UBTD1: variants seen among roughly 807,000 people sequenced by gnomAD.
The protein encoded by UBTD1 is ubiquitin domain-containing protein 1.
A neutral mutation model predicts 21.7 loss-of-function variants in UBTD1; 19 were observed. The ratio of observed to expected loss-of-function variants is 0.87; its 90% confidence interval spans 0.61 to 1.28. UBTD1 has a LOEUF of 1.28. Among genes scored for constraint, UBTD1 ranks in the 50% most tolerant of loss-of-function variants. The pLI, the probability that UBTD1 is intolerant of heterozygous loss-of-function variation, is 0.00. For missense variants in UBTD1, 282 were observed against 315.1 expected, an observed-to-expected ratio of 0.89 and a Z score of 0.80; for synonymous variants, 116 against 135.1, an observed-to-expected ratio of 0.86 and a Z score of 0.98.
At chr10:97,544,727 A>G (rs534796740) in intron 1 of UBTD1, among the ~76,000 whole-genome samples, 1 of 152,342 alleles carries the variant, frequency 6.6e-6, no homozygotes, top group East Asian at 1.9e-4. Context: ...GCAGTGGCTC[A>G]TGCGTGTAAT....
At chr10:97,539,894 T>C (rs1203409121) in intron 1 of UBTD1, among the ~76,000 whole-genome samples, 1 of 151,832 alleles carries the variant, frequency 6.6e-6, no homozygotes, top group Non-Finnish European at 1.5e-5. Flanking sequence ...CAGATCCACC[T>C]CCTTAAGCAT....
At chr10:97,535,568 T>C (rs2040556168) in intron 1 of UBTD1, among the ~76,000 whole-genome samples, 2 of 152,166 alleles carry the variant, frequency 1.3e-5, no homozygotes, top group South Asian at 2.1e-4. Context: ...TGAGCAGACA[T>C]TGAGCCACTG....
intron 1 of UBTD1, among the ~76,000 whole-genome samples, chr10:97,549,941 A>G (rs897229968): frequency 6.6e-6 from 1 of 152,024 alleles, no homozygotes; most frequent in Non-Finnish European, 1.5e-5. Flanking sequence ...GCCTGGGCTG[A>G]TCCTTCTTCT....
At chr10:97,545,409 T>TGG (rs1491349496) in intron 1 of UBTD1, among the ~76,000 whole-genome samples, 9 of 68,824 alleles carry the variant, frequency 1.3e-4, no homozygotes, top group Admixed American at 6.3e-4. Context: ...TGTGTGTGTG[T>TGG]GGGTGTGGGT....
At chr10:97,518,988 C>G (rs2040455932) in intron 1 of UBTD1, among the ~76,000 whole-genome samples, 1 of 152,302 alleles carries the variant, frequency 6.6e-6, no homozygotes, top group South Asian at 2.1e-4. Context: ...TGTAATTTGC[C>G]CAACATCATC....
intron 1 of UBTD1, among the ~76,000 whole-genome samples, chr10:97,540,674 AG>A (rs1283040095): frequency 2.6e-5 from 4 of 152,258 alleles, no homozygotes; most frequent in Non-Finnish European, 4.4e-5. Context: ...ATAAGTGCAG[AG>A]CCAGGGTTCT....
At chr10:97,511,384 C>A (rs1453101435) in intron 1 of UBTD1, among the ~76,000 whole-genome samples, 1 of 152,130 alleles carries the variant, frequency 6.6e-6, no homozygotes, top group Non-Finnish European at 1.5e-5. Context: ...GTCTCAGGTT[C>A]CTTCCATGCA....
chr10:97,529,212 C>A (rs1002733446), intron 1 of UBTD1, among the ~76,000 whole-genome samples: 1 of 148,818 alleles, frequency 6.7e-6, no homozygotes, highest in Non-Finnish European at 1.5e-5. Flanking sequence ...GGATGGCGGC[C>A]GGGAAGAGGC....
intron 1 of UBTD1, among the ~76,000 whole-genome samples, chr10:97,543,017 A>G (rs2040593431): frequency 6.6e-6 from 1 of 152,258 alleles, no homozygotes; most frequent in Admixed American, 6.5e-5. Context: ...AGTAAGTCAG[A>G]ATCCCAGGGA....
At chr10:97,508,257 T>G (rs2040407509) in intron 1 of UBTD1, among the ~76,000 whole-genome samples, 1 of 152,236 alleles carries the variant, frequency 6.6e-6, no homozygotes. Flanking sequence ...GAGCCCACGC[T>G]TTGGGCCAGT....
At position 97,570,014 on chromosome 10, in the gene UBTD1, C is replaced by T; in HGVS notation, c.299-124C>T. ...TAACTTTATTTATTTCTGTATAGGC[C>T]CCATGTCCAAATACAGTCACATTGG... On this transcript the variant is annotated intron_variant, in intron 2 of 2. Transcript: ENST00000370664. The surrounding 1 kb of genome is among the most constrained non-coding windows in gnomAD (Gnocchi z 6.6). 2.2e-6 allele frequency: 3 copies of T among 1,349,350 alleles called. No homozygotes were observed. The highest frequency in any genetic ancestry group is 3.0e-6 in the Non-Finnish European group (3 of 993,128). The allele number at this position is 1,349,350 out of a possible 1,614,324, so 83.6% of individuals were successfully genotyped here. A position where few individuals can be genotyped will look rare whatever the true frequency, so the allele number is the denominator to read the frequency against.
At chr10:97,510,745 T>C (rs1177606903) in intron 1 of UBTD1, among the ~76,000 whole-genome samples, 1 of 152,176 alleles carries the variant, frequency 6.6e-6, no homozygotes, top group African/African-American at 2.4e-5. Context: ...GACCCATTTA[T>C]TCAGGAAGGC....
intron 1 of UBTD1, among the ~76,000 whole-genome samples, chr10:97,563,591 G>A (rs545278779): frequency 6.6e-6 from 1 of 152,204 alleles, no homozygotes; most frequent in African/African-American, 2.4e-5. Context: ...GTATTGGAGG[G>A]TACCCCGTCA....
intron 1 of UBTD1, among the ~76,000 whole-genome samples, chr10:97,527,171 CA>C (rs34756643): frequency 0.014 from 934 of 66,690 alleles, 8 homozygotes; most frequent in East Asian, 0.1. Flanking sequence ...CTCTTGTCTC[CA>C]AAAAAAAAAA....
chr10:97,543,643 T>C (rs2040596023), intron 1 of UBTD1, among the ~76,000 whole-genome samples: 1 of 152,154 alleles, frequency 6.6e-6, no homozygotes, highest in South Asian at 2.1e-4. Context: ...CTGATGGAAA[T>C]GGACCCAGGT....
chr10:97,538,336 T>A (rs1047988698), intron 1 of UBTD1, among the ~76,000 whole-genome samples: 2 of 152,076 alleles, frequency 1.3e-5, no homozygotes, highest in African/African-American at 4.8e-5. Context: ...TATTTTATTT[T>A]TAAAAAAGTA....
At chr10:97,523,999 T>G (rs2135665156) in intron 1 of UBTD1, among the ~76,000 whole-genome samples, 1 of 152,282 alleles carries the variant, frequency 6.6e-6, no homozygotes, top group Middle Eastern at 3.4e-3. Context: ...AATGAATGTT[T>G]GTGTGCATTT....
At chr10:97,529,451 C>G in intron 1 of UBTD1, among the ~76,000 whole-genome samples, 1 of 152,240 alleles carries the variant, frequency 6.6e-6, no homozygotes, top group Non-Finnish European at 1.5e-5. Context: ...GAGATCACGC[C>G]GCTGCACTCC....
At chr10:97,569,428 AAAT>A (rs1176139744) in intron 2 of UBTD1, among the ~76,000 whole-genome samples, 2 of 152,184 alleles carry the variant, frequency 1.3e-5, no homozygotes, top group African/African-American at 2.4e-5. Flanking sequence ...AAGAAGTGAA[AAAT>A]AATATGCCAG....
Sources: gnomAD v4.1 joint callset for allele counts (sites outside exome capture counted in the v4.1 genomes callset) on GRCh38, gnomAD v4.1.1 for gene constraint, Gnocchi (gnomAD v3.1) non-coding constraint, MANE v1.5 for transcripts, NCBI Gene and HGNC (gene_info 2026-07-23, HGNC 2026-07-21) for gene names.